ZFHX3: variants seen among roughly 807,000 people sequenced by gnomAD.
ZFHX3 encodes the protein zinc finger homeobox 3.
ZFHX3 carries 42 observed loss-of-function variants against 279.1 expected under a neutral mutation model. That is an observed-to-expected ratio of 0.15 (90% CI 0.12 to 0.19). The LOEUF (loss-of-function observed/expected upper bound fraction) is 0.19. Among genes scored for constraint, ZFHX3 ranks in the 10% least tolerant of loss-of-function variants. The pLI, the probability that ZFHX3 is intolerant of heterozygous loss-of-function variation, is 1.00. For synonymous variants in ZFHX3, 2,293 were observed against 1,957.8 expected (o/e 1.17, Z -4.52); for missense variants, 4,981 against 4,754.0 (o/e 1.05, Z -1.40).
chr16:73,790,334 T>G (rs1959786768), intron 1 of ZFHX3, among the ~76,000 whole-genome samples: 1 of 152,098 alleles, frequency 6.6e-6, no homozygotes, highest in South Asian at 2.1e-4. Context: ...AGTTGTCTAT[T>G]AAAAACCAAC....
chr16:73,350,094 T>G (rs904883731), intron 3 of ZFHX3, among the ~76,000 whole-genome samples: 7 of 151,886 alleles, frequency 4.6e-5, no homozygotes, highest in African/African-American at 1.7e-4. Flanking sequence ...TGCCTTCTTT[T>G]AAGCAAAACA....
At chr16:72,853,136 C>CA (rs1158459102) in intron 4 of ZFHX3, among the ~76,000 whole-genome samples, 1 of 152,228 alleles carries the variant, frequency 6.6e-6, no homozygotes, top group Non-Finnish European at 1.5e-5. Flanking sequence ...CTAACAGGGC[C>CA]ACCATGCTAA....
chr16:73,466,800 A>C (rs1225279639), intron 2 of ZFHX3, among the ~76,000 whole-genome samples: 1 of 152,200 alleles, frequency 6.6e-6, no homozygotes, highest in Non-Finnish European at 1.5e-5. Context: ...TTTCCTCTTC[A>C]GAGCTAGGAG....
chr16:73,130,076 A>T (rs1419065343), intron 7 of ZFHX3, among the ~76,000 whole-genome samples: 1 of 152,204 alleles, frequency 6.6e-6, no homozygotes, highest in Non-Finnish European at 1.5e-5. Flanking sequence ...TATAATACTT[A>T]AATCATTTCT....
intron 1 of ZFHX3, among the ~76,000 whole-genome samples, chr16:73,779,208 T>C (rs1305814310): frequency 6.6e-6 from 1 of 152,008 alleles, no homozygotes; most frequent in Non-Finnish European, 1.5e-5. Flanking sequence ...CTGGGGGTGA[T>C]TTTTTTTCTT....
At chr16:73,630,055 ACTCT>A (rs563399272) in intron 2 of ZFHX3, among the ~76,000 whole-genome samples, 7 of 150,972 alleles carry the variant, frequency 4.6e-5, no homozygotes, top group African/African-American at 1.7e-4. Flanking sequence ...AGACTCAACC[ACTCT>A]CTCTCTCTAA....
chr16:73,039,394 G>A (rs530292887), intron 1 of ZFHX3, among the ~76,000 whole-genome samples: 4 of 152,324 alleles, frequency 2.6e-5, no homozygotes, highest in African/African-American at 7.2e-5. Flanking sequence ...TGGGGGGAGT[G>A]GCCGGGAACC....
chr16:73,760,920 C>G (rs1235318348), intron 1 of ZFHX3, among the ~76,000 whole-genome samples: 1 of 150,642 alleles, frequency 6.6e-6, no homozygotes, highest in African/African-American at 2.4e-5. Flanking sequence ...TGCCACAAGA[C>G]AAGGATGCCC....
chr16:73,653,991 T>C (rs1332036372), intron 2 of ZFHX3, among the ~76,000 whole-genome samples: 1 of 152,066 alleles, frequency 6.6e-6, no homozygotes, highest in Non-Finnish European at 1.5e-5. Context: ...AAGACCATCC[T>C]GGCCAACATG....
At chr16:73,818,745 A>C (rs940694277) in intron 1 of ZFHX3, among the ~76,000 whole-genome samples, 2 of 152,198 alleles carry the variant, frequency 1.3e-5, no homozygotes, top group Admixed American at 1.3e-4. Context: ...GCGCTTTCTC[A>C]AACTGCACTT....
Position 73,295,163 on chromosome 16 carries a change from T to G in ZFHX3, c.-1194+23077A>C, listed in dbSNP as rs538717037. Reference sequence around the variant, plus strand: ...CCGGGAGGCGGAGCTTGCAGTGAGCTGAGATCGCGCCACTGCACTCCAGCC... The same window carrying G: ...CCGGGAGGCGGAGCTTGCAGTGAGCGGAGATCGCGCCACTGCACTCCAGCC... On this transcript the variant is annotated intron_variant, in intron 4 of 17. Coordinates refer to the ZFHX3 transcript ENST00000641206. 5.9e-5 allele frequency among the ~76,000 whole-genome samples: 9 copies of G among 152,016 alleles called. No homozygotes were observed. The East Asian group carries it at 1.6e-3, about 26-fold the overall frequency.
intron 1 of ZFHX3, among the ~76,000 whole-genome samples, chr16:72,967,877 G>A (rs1004495106): frequency 2.7e-5 from 4 of 149,174 alleles, no homozygotes; most frequent in East Asian, 1.9e-4. Flanking sequence ...GCAGTGAGCC[G>A]AGATCGTGCC....
intron 2 of ZFHX3, among the ~76,000 whole-genome samples, chr16:73,590,094 T>C (rs1282448194): frequency 6.6e-6 from 1 of 152,168 alleles, no homozygotes; most frequent in Non-Finnish European, 1.5e-5. Flanking sequence ...CCTATTGGCA[T>C]GGGAATTTTG....
chr16:72,982,175 G>A lies in ZFHX3; in HGVS notation c.-49-21981C>T, dbSNP rs1041020012. On this transcript the variant is annotated intron_variant, in intron 1 of 9. Coordinates refer to ENST00000268489, the MANE Select transcript of ZFHX3 (RefSeq NM_006885.4). Reference sequence around the variant, plus strand: ...TGTGATTACAGGAGTGAGCCACAGCGCCCAGCCTTTCTACACATTTTCAAA... The same window carrying A: ...TGTGATTACAGGAGTGAGCCACAGCACCCAGCCTTTCTACACATTTTCAAA... Among the ~76,000 whole-genome samples the A allele has an allele frequency of 3.3e-5, 5 of 151,912 alleles. No homozygotes were observed. In the East Asian group the frequency reaches 7.8e-4, roughly 24 times the overall value.
chr16:73,357,060 A>G (rs967510110), intron 3 of ZFHX3, among the ~76,000 whole-genome samples: 3 of 151,926 alleles, frequency 2.0e-5, no homozygotes, highest in Admixed American at 1.3e-4. Context: ...GATAATACAC[A>G]TTTTATGGAC....
intron 2 of ZFHX3, among the ~76,000 whole-genome samples, chr16:73,501,076 A>G (rs996050651): frequency 6.6e-6 from 1 of 152,226 alleles, no homozygotes; most frequent in Non-Finnish European, 1.5e-5. Flanking sequence ...TTTTGTATAT[A>G]CCTTTTCTAT....
At chr16:72,930,317 G>A (rs760734516) in intron 3 of ZFHX3, among the ~76,000 whole-genome samples, 32 of 152,044 alleles carry the variant, frequency 2.1e-4, no homozygotes, top group Non-Finnish European at 3.2e-4. Flanking sequence ...GGAGGGGAGC[G>A]GCATCTGATC....
chr16:73,409,823 C>T (rs1422083812), intron 3 of ZFHX3, among the ~76,000 whole-genome samples: 1 of 152,114 alleles, frequency 6.6e-6, no homozygotes, highest in Non-Finnish European at 1.5e-5. Flanking sequence ...ATAGATGGAA[C>T]TGAAGGACAT....
chr16:73,032,962 A>G (rs1964762929), intron 1 of ZFHX3, among the ~76,000 whole-genome samples: 1 of 152,152 alleles, frequency 6.6e-6, no homozygotes, highest in Non-Finnish European at 1.5e-5. Context: ...CTGCGGCCAG[A>G]CCCCACTGGG....
Sources: allele counts gnomAD v4.1 joint callset (sites outside exome capture counted in the v4.1 genomes callset), GRCh38; gene constraint gnomAD v4.1.1; transcripts MANE v1.5; gene names NCBI Gene and HGNC (gene_info 2026-07-23, HGNC 2026-07-21).